The following GFRA3 variants were observed in gnomAD, a reference collection of about 807,000 sequenced individuals.
GFRA3 encodes GDNF family receptor alpha-3.
GFRA3 carries 24 observed loss-of-function variants against 40.0 expected under a neutral mutation model. That is an observed-to-expected ratio of 0.60 (90% CI 0.43 to 0.84). The LOEUF is 0.84. Ranked by LOEUF, GFRA3 falls within the 40% of genes least tolerant of loss-of-function variation. The probability of loss-of-function intolerance (pLI) is 0.00; values close to 1 mark genes in which losing one functional copy is unlikely to be tolerated. For synonymous variants in GFRA3, 203 were observed against 213.5 expected (o/e 0.95, Z 0.43); for missense variants, 405 against 530.6 (o/e 0.76, Z 2.33).
At chr5:138,256,540 CAAAAAAAAACAAACAAA>C (rs1253677782) in intron 4 of GFRA3, among the ~76,000 whole-genome samples, 1 of 131,430 alleles carries the variant, frequency 7.6e-6, no homozygotes, top group African/African-American at 2.9e-5. Flanking sequence ...AAAAAACAAA[CAAAAAAAAACAAACAAA>C]AAAAAAAACA....
chr5:138,257,782 G>T lies in GFRA3; in HGVS notation c.642C>A (p.Gly214=). The T allele has an allele frequency of 6.2e-7, 1 of 1,612,604 alleles. No homozygotes were observed. Residue 214 remains glycine (G), a synonymous_variant, in exon 4 of 8, where the codon GGC becomes GGA. Coordinates refer to ENST00000274721, the MANE Select transcript of GFRA3 (RefSeq NM_001496.4). ...FEKAAEPHAQ[G]LLLCPCAPND... ...TGGGGGCACATGGGCACAGTAGCAG[G>T]CCCTGCGCGTGGGGCTCGGCGGCCT...
intron 2 of GFRA3, among the ~76,000 whole-genome samples, chr5:138,259,937 C>T (rs922128542): frequency 6.6e-6 from 1 of 152,026 alleles, no homozygotes; most frequent in African/African-American, 2.4e-5. Context: ...AGCACCATCG[C>T]ACTTACGCGA....
intron 2 of GFRA3, among the ~76,000 whole-genome samples, chr5:138,262,479 G>T (rs1755725810): frequency 6.6e-6 from 1 of 152,060 alleles, no homozygotes; most frequent in Non-Finnish European, 1.5e-5. Context: ...TTGAGACAGG[G>T]TCTTGCTCTG....
At chr5:138,255,198 T>C (rs1440282489) in intron 4 of GFRA3, among the ~76,000 whole-genome samples, 1 of 152,114 alleles carries the variant, frequency 6.6e-6, no homozygotes, top group Non-Finnish European at 1.5e-5. Context: ...TTAATATATG[T>C]TAAGTACTTA....
chr5:138,274,303 AC>A, intron 1 of GFRA3, 30 bp downstream of exon 1: 1 of 1,315,988 alleles, frequency 7.6e-7, no homozygotes, highest in Non-Finnish European at 9.7e-7. Flanking sequence ...CTCCCACTGT[AC>A]CCCCGGCCGG....
At position 138,274,616 on chromosome 5, in the gene GFRA3, T is replaced by G; in HGVS notation, c.-192A>C. The stretch of plus-strand genomic sequence containing the variant: ...CGTCCACACCACGCGCCTCCAGCGC[T>G]GGTCCGAGGGACCGCGGGGGTGGGG... On this transcript the variant is annotated 5_prime_UTR_variant, in exon 1 of 8. Coordinates refer to ENST00000274721, the MANE Select transcript of GFRA3 (RefSeq NM_001496.4). The G allele has an allele frequency of 1.7e-6, 2 of 1,201,064 alleles. No homozygotes were observed. 74.4% of individuals were successfully genotyped at this position (1,201,064 alleles called of 1,614,324 possible). A position where few individuals can be genotyped will look rare whatever the true frequency, so the allele number is the denominator to read the frequency against.
chr5:138,258,484 ACTC>A (rs1755667794), intron 3 of GFRA3, among the ~76,000 whole-genome samples: 1 of 151,326 alleles, frequency 6.6e-6, no homozygotes, highest in Admixed American at 6.6e-5. Context: ...GCCCGGCACA[ACTC>A]CTCATCTTGA....
At chr5:138,257,140 G>T (rs1054147265) in intron 4 of GFRA3, among the ~76,000 whole-genome samples, 4 of 152,100 alleles carry the variant, frequency 2.6e-5, no homozygotes, top group African/African-American at 9.7e-5. Flanking sequence ...TAGGTTTAGT[G>T]ATGGAGTTTT....
chr5:138,254,148 C>T lies in GFRA3; in HGVS notation c.798G>A (p.Val266=), dbSNP rs779391011. The change falls in exon 5 of 8, where the codon GTG becomes GTA. Residue 266 remains valine, a synonymous_variant. Transcript: ENST00000274721. The part of the protein sequence containing the change: ...FSDPLCRSRL[V]DFQTHCHPMD... Reference sequence around the variant, plus strand: ...TGGGATGGCAGTGGGTCTGGAAATCCACCAGGCGTGATCTGGAAGAAGGGA... The same window carrying T: ...TGGGATGGCAGTGGGTCTGGAAATCTACCAGGCGTGATCTGGAAGAAGGGA... 2.1e-5 allele frequency: 34 copies of T among 1,597,844 alleles called. No homozygotes were observed. Among genetic ancestry groups the T allele is most frequent in the Non-Finnish European group, 2.7e-5 (31 of 1,165,332 alleles).
chr5:138,272,653 T>A (rs1317771331), intron 1 of GFRA3, among the ~76,000 whole-genome samples: 1 of 146,624 alleles, frequency 6.8e-6, no homozygotes, highest in African/African-American at 2.5e-5. Flanking sequence ...AAAAAAAAAA[T>A]CAGATTTCAA....
At chr5:138,260,295 C>T (rs946923230) in intron 2 of GFRA3, among the ~76,000 whole-genome samples, 1 of 152,204 alleles carries the variant, frequency 6.6e-6, no homozygotes, top group African/African-American at 2.4e-5. Flanking sequence ...TGCTGCTACT[C>T]TTTCTCCTCT....
At chr5:138,262,971 CTTG>C (rs1246398540) in intron 2 of GFRA3, among the ~76,000 whole-genome samples, 1 of 151,578 alleles carries the variant, frequency 6.6e-6, no homozygotes, top group Non-Finnish European at 1.5e-5. Context: ...TTGCTTTTTG[CTTG>C]TTTTTTTCGA....
At chr5:138,256,901 C>A (rs530526225) in intron 4 of GFRA3, among the ~76,000 whole-genome samples, 1 of 144,970 alleles carries the variant, frequency 6.9e-6, no homozygotes, top group African/African-American at 2.6e-5. Flanking sequence ...GAGCCAAGAT[C>A]GTGTCACTGC....
At chr5:138,271,046 G>A (rs1227406284) in intron 1 of GFRA3, among the ~76,000 whole-genome samples, 1 of 152,002 alleles carries the variant, frequency 6.6e-6, no homozygotes, top group African/African-American at 2.4e-5. Flanking sequence ...AGGCTGGAGT[G>A]CAGTGGCGCG....
chr5:138,255,312 T>C (rs577170549), intron 4 of GFRA3, among the ~76,000 whole-genome samples: 10 of 152,306 alleles, frequency 6.6e-5, no homozygotes, highest in African/African-American at 2.4e-4. Context: ...AGGAAAGTGG[T>C]AGTCTCAGAA....
At chr5:138,258,690 C>T (rs527995334) in intron 3 of GFRA3, among the ~76,000 whole-genome samples, 14 of 152,290 alleles carry the variant, frequency 9.2e-5, no homozygotes, top group Admixed American at 3.3e-4. Context: ...CTGTCCAAAA[C>T]AGATGCATCC....
Position 138,270,555 on chromosome 5 carries a change from T to TG in GFRA3, c.91+3778dup, listed in dbSNP as rs1755854494. The stretch of plus-strand genomic sequence containing the variant: ...GAATGATACAATGGACTTGGGGACT[T>TG]GGGGGGAAGCGTGGGGGAGGGGAAG... On this transcript the variant is annotated intron_variant, in intron 1 of 7. Transcript: ENST00000274721. Among the ~76,000 whole-genome samples the TG allele has an allele frequency of 2.8e-5, 4 of 142,946 alleles. No individual in the cohort carries two copies. In the South Asian group the frequency reaches 6.7e-4, roughly 24 times the overall value. 93.8% of individuals were successfully genotyped at this position (142,946 alleles called of 152,430 possible). A position where few individuals can be genotyped will look rare whatever the true frequency, so the allele number is the denominator to read the frequency against.
rs182816640 is a variant in GFRA3, at chr5:138,266,896, G to A, written c.92-2348C>T. ...AGGGTTTCACCATGTTGCCCAGGCT[G>A]GTCTTGAACTCCTAACCTCAAGTGA... On this transcript the variant is annotated intron_variant, in intron 1 of 7. Transcript: ENST00000274721. 3 of 152,312 alleles carry A rather than the reference G, an allele frequency of 2.0e-5. No homozygotes were observed. In the East Asian group the frequency reaches 5.8e-4, roughly 29 times the overall value. 9.4% of individuals were successfully genotyped at this position (152,312 alleles called of 1,614,324 possible).
chr5:138,271,976 G>T (rs1235856064), intron 1 of GFRA3, among the ~76,000 whole-genome samples: 4 of 118,862 alleles, frequency 3.4e-5, no homozygotes, highest in Non-Finnish European at 6.9e-5. Flanking sequence ...TGTTTGGTTG[G>T]TTTTTTTTGC....
Sources: allele counts gnomAD v4.1 joint callset (sites outside exome capture counted in the v4.1 genomes callset), GRCh38; gene constraint gnomAD v4.1.1; transcripts MANE v1.5; gene names NCBI Gene and HGNC (gene_info 2026-07-23, HGNC 2026-07-21).